The following TRPM3 variants were observed in gnomAD, a reference collection of about 807,000 sequenced individuals.
The protein encoded by TRPM3 is long transient receptor potential channel 3.
TRPM3 carries 77 observed loss-of-function variants against 181.2 expected under a neutral mutation model. The observed-to-expected ratio is 0.42, with a 90% confidence interval of 0.35 to 0.51. TRPM3 has a LOEUF of 0.51. Among genes scored for constraint, TRPM3 ranks in the 20% least tolerant of loss-of-function variants. The pLI is 0.01. For missense variants in TRPM3, 1,759 were observed against 2,196.7 expected, an observed-to-expected ratio of 0.80 and a Z score of 3.98; for synonymous variants, 745 against 796.4, an observed-to-expected ratio of 0.94 and a Z score of 1.09.
intron 1 of TRPM3, among the ~76,000 whole-genome samples, chr9:71,381,458 T>C (rs1489966544): frequency 6.6e-6 from 1 of 152,120 alleles, no homozygotes; most frequent in Non-Finnish European, 1.5e-5. Flanking sequence ...GGTATGTCAT[T>C]TCATACTTTC....
intron 22 of TRPM3, among the ~76,000 whole-genome samples, chr9:70,572,354 C>T (rs986927296): frequency 6.6e-6 from 1 of 152,144 alleles, no homozygotes; most frequent in African/African-American, 2.4e-5. Context: ...AAATAACCAC[C>T]TATATTTGCC....
chr9:70,970,623 A>G (rs2097233646), intron 1 of TRPM3, among the ~76,000 whole-genome samples: 2 of 152,046 alleles, frequency 1.3e-5, no homozygotes, highest in South Asian at 4.1e-4. Flanking sequence ...ACATTTGCCC[A>G]TTATCTTGTG....
chr9:71,276,765 G>A (rs1404958986), intron 1 of TRPM3, among the ~76,000 whole-genome samples: 1 of 152,150 alleles, frequency 6.6e-6, no homozygotes, highest in East Asian at 1.9e-4. Flanking sequence ...AACATGTACT[G>A]GCCTCTGATT....
chr9:70,614,498 AAAAT>A (rs200058184), intron 18 of TRPM3, among the ~76,000 whole-genome samples: 118 of 152,062 alleles, frequency 7.8e-4, no homozygotes, highest in Non-Finnish European at 1.4e-3. Flanking sequence ...CCTGTCTCTA[AAAAT>A]AAATAAATAA....
rs144868360 is a variant in TRPM3, at chr9:70,848,452, T to C, written c.463-1861A>G. 2.5e-4 allele frequency among the ~76,000 whole-genome samples: 38 copies of C among 152,220 alleles called. 1 individual carries two copies. In the East Asian group the frequency reaches 7.2e-3, roughly 29 times the overall value. On this transcript the variant is annotated intron_variant, in intron 3 of 25. Coordinates refer to ENST00000677713, the MANE Select transcript of TRPM3 (RefSeq NM_001366145.2). ...AATATTGGCTGAGTATTCCTCGGAATTATAGAAAGATACCAATTCTAACAT... is the reference window on the plus strand; with the variant it reads ...AATATTGGCTGAGTATTCCTCGGAACTATAGAAAGATACCAATTCTAACAT...
chr9:70,682,421 G>T (rs186434831), intron 8 of TRPM3, among the ~76,000 whole-genome samples: 2 of 152,156 alleles, frequency 1.3e-5, no homozygotes, highest in African/African-American at 2.4e-5. Context: ...CAGGACAGCT[G>T]GTCACAGACC....
chr9:71,351,618 CATAGGT>C (rs2091629324), intron 1 of TRPM3, among the ~76,000 whole-genome samples: 1 of 152,058 alleles, frequency 6.6e-6, no homozygotes, highest in Non-Finnish European at 1.5e-5. Context: ...GTAATATATA[CATAGGT>C]ATATCTTCAA....
chr9:71,412,601 G>A (rs2093572169), intron 1 of TRPM3, among the ~76,000 whole-genome samples: 1 of 152,140 alleles, frequency 6.6e-6, no homozygotes, highest in Non-Finnish European at 1.5e-5. Flanking sequence ...GGAAACAACA[G>A]GTGCTGGAGA....
chr9:70,924,327 C>A (rs2096697592), intron 1 of TRPM3, among the ~76,000 whole-genome samples: 1 of 152,122 alleles, frequency 6.6e-6, no homozygotes, highest in Non-Finnish European at 1.5e-5. Context: ...CTTCCATATA[C>A]TATTTATTTT....
chr9:71,360,943 T>C (rs1454474236), intron 1 of TRPM3, among the ~76,000 whole-genome samples: 2 of 152,212 alleles, frequency 1.3e-5, no homozygotes, highest in Non-Finnish European at 2.9e-5. Context: ...GTTCATTATA[T>C]TATTCTCTCC....
At chr9:71,253,351 G>T (rs569011741) in intron 1 of TRPM3, among the ~76,000 whole-genome samples, 1 of 152,078 alleles carries the variant, frequency 6.6e-6, no homozygotes, top group Non-Finnish European at 1.5e-5. Flanking sequence ...TGCTTTCCTG[G>T]GGGACATTTG....
chr9:71,330,618 C>T (rs1252249328), intron 1 of TRPM3, among the ~76,000 whole-genome samples: 3 of 151,766 alleles, frequency 2.0e-5, no homozygotes, highest in Non-Finnish European at 2.9e-5. Flanking sequence ...ATTTCTCCAT[C>T]TCAGAAAAGG....
At chr9:70,603,553 G>A in intron 19 of TRPM3, 83 bp from the exon 20 acceptor site, 1 of 1,493,256 alleles carries the variant, frequency 6.7e-7, no homozygotes, top group Non-Finnish European at 9.0e-7. Flanking sequence ...CAGCAGCACA[G>A]AGCAGGGTCA....
chr9:71,214,910 C>G (rs1021532049), intron 1 of TRPM3, among the ~76,000 whole-genome samples: 7 of 152,008 alleles, frequency 4.6e-5, no homozygotes, highest in African/African-American at 1.7e-4. Context: ...AGTCCTTACA[C>G]TTTTCCAGGT....
intron 1 of TRPM3, among the ~76,000 whole-genome samples, chr9:70,894,927 AG>A (rs778282591): frequency 2.0e-5 from 3 of 152,088 alleles, no homozygotes; most frequent in Non-Finnish European, 2.9e-5. Context: ...ATGGGAAAAA[AG>A]TTTTGCCGTC....
intron 1 of TRPM3, among the ~76,000 whole-genome samples, chr9:71,432,838 C>A (rs533285982): frequency 6.6e-6 from 1 of 152,284 alleles, no homozygotes; most frequent in East Asian, 1.9e-4. Context: ...TCCAATTATA[C>A]AACTTCCTCT....
Position 70,842,246 on chromosome 9 carries a change from CT to C in TRPM3, c.801+756del, listed in dbSNP as rs533469047. On this transcript the variant is annotated intron_variant, in intron 5 of 25. Transcript: ENST00000677713. The stretch of plus-strand genomic sequence containing the variant: ...CAAGCCCCTGGGGAAAATATCTCTG[CT>C]CAGGGTCAAATGGATCCTACCTCCT... Among the ~76,000 whole-genome samples, 283 of 152,180 alleles carry C rather than the reference CT, an allele frequency of 1.9e-3. 1 individual carries two copies. The highest frequency in any genetic ancestry group is 6.5e-3 in the African/African-American group (270 of 41,530).
chr9:70,610,713 T>C lies in TRPM3; in HGVS notation c.2563A>G (p.Lys855Glu), dbSNP rs2061877819. ...LGRNNGESSR[K>E]KDEEEVQSKH... is the part of the protein sequence containing the mutation. ...CTCTGAACTTCCTCTTCATCCTTCT[T>C]CCTGGAGGACTCCCCGTTGTTTCGT... Residue 855 changes from lysine (K) to glutamate (E), a missense_variant, in exon 19 of 26, where the codon AAG becomes GAG. Physicochemically the swap from Lys to Glu is moderately conservative, Grantham distance 56. This residue lies in a region of TRPM3 where 114 missense variants were observed against 134.8 expected (regional missense o/e 0.85). Coordinates refer to ENST00000677713, the MANE Select transcript of TRPM3 (RefSeq NM_001366145.2). The C allele has an allele frequency of 6.2e-7, 1 of 1,614,032 alleles. No individual in the cohort carries two copies. The highest frequency in any genetic ancestry group is 1.1e-5 in the South Asian group (1 of 91,082).
At chr9:70,568,484 G>A (rs1477592917) in intron 22 of TRPM3, among the ~76,000 whole-genome samples, 1 of 152,172 alleles carries the variant, frequency 6.6e-6, no homozygotes, top group Non-Finnish European at 1.5e-5. Context: ...TAGAATTTCT[G>A]ACCCATTCAT....
Sources: allele counts gnomAD v4.1 joint callset (sites outside exome capture counted in the v4.1 genomes callset), GRCh38; gene constraint gnomAD v4.1.1; regional missense constraint gnomAD v4.1.1; transcripts MANE v1.5; gene names NCBI Gene and HGNC (gene_info 2026-07-23, HGNC 2026-07-21).